Variants in YIPF1 observed in about 807,000 individuals in gnomAD.
The protein encoded by YIPF1 is protein YIPF1.
In YIPF1, 22 loss-of-function variants were observed where a neutral mutation model predicts 37.0. The ratio of observed to expected loss-of-function variants is 0.59; its 90% CI spans 0.42 to 0.85. The LOEUF is 0.85. Among genes scored for constraint, YIPF1 ranks in the 40% least tolerant of loss-of-function variants. YIPF1 has a pLI of 0.00. For missense variants in YIPF1, 355 were observed against 373.1 expected (o/e 0.95, Z 0.40); for synonymous variants, 128 against 131.9 (o/e 0.97, Z 0.21).
At chr1:53,856,584 A>T (rs192681606) in intron 10 of YIPF1, among the ~76,000 whole-genome samples, 1 of 152,212 alleles carries the variant, frequency 6.6e-6, no homozygotes, top group Admixed American at 6.5e-5. Flanking sequence ...CTTTTTCCAG[A>T]ACAGCTAACT....
chr1:53,889,239 C>T lies in YIPF1; in HGVS notation c.-50+5G>A. 6.5e-6 allele frequency: 2 copies of T among 307,888 alleles called. No individual in the cohort carries two copies. Among genetic ancestry groups the T allele is most frequent in the South Asian group, 1.2e-4 (2 of 17,048 alleles). 19.1% of individuals were successfully genotyped at this position (307,888 alleles called of 1,614,324 possible). A position where few individuals can be genotyped will look rare whatever the true frequency, so the allele number is the denominator to read the frequency against. On this transcript the variant is annotated splice_donor_5th_base_variant and intron_variant, in intron 2 of 10. Transcript: ENST00000072644. ...TGTATGTACCAGGAATGAATCTCAA[C>T]TCACTGTGTGAATGTTTAGAGAGCA...
intron 3 of YIPF1, among the ~76,000 whole-genome samples, chr1:53,886,122 T>C (rs1650645632): frequency 6.6e-6 from 1 of 151,898 alleles, no homozygotes; most frequent in African/African-American, 2.4e-5. Context: ...ATAACTCCTC[T>C]AGTTATTGGG....
chr1:53,864,073 C>T (rs887579326), intron 9 of YIPF1, among the ~76,000 whole-genome samples: 1 of 152,128 alleles, frequency 6.6e-6, no homozygotes, highest in South Asian at 2.1e-4. Flanking sequence ...ACCATAATAG[C>T]TCCCTGCTTC....
Position 53,888,993 on chromosome 1 carries a change from GA to G in YIPF1, c.-49-8del. On this transcript the variant is annotated splice_region_variant and splice_polypyrimidine_tract_variant and intron_variant, in intron 2 of 10. Coordinates refer to ENST00000072644, the MANE Select transcript of YIPF1 (RefSeq NM_018982.5). The stretch of plus-strand genomic sequence containing the variant: ...GAAGAAAATTTGCAGGGTTCTAAAA[GA>G]AAAAAATAGGTAAACATAATAGGAT... The G allele has an allele frequency of 3.4e-6, 5 of 1,478,832 alleles. No individual in the cohort carries two copies. The highest frequency in any genetic ancestry group is 2.8e-6 in the Non-Finnish European group (3 of 1,061,546). 91.6% of individuals were successfully genotyped at this position (1,478,832 alleles called of 1,614,324 possible). A position where few individuals can be genotyped will look rare whatever the true frequency, so the allele number is the denominator to read the frequency against.
chr1:53,884,710 G>C (rs1255730964), intron 3 of YIPF1, among the ~76,000 whole-genome samples: 1 of 152,212 alleles, frequency 6.6e-6, no homozygotes, highest in East Asian at 1.9e-4. Context: ...CTTTCCAAAA[G>C]AACCTTACCT....
chr1:53,862,677 G>C (rs1456785404), intron 9 of YIPF1, among the ~76,000 whole-genome samples: 1 of 152,086 alleles, frequency 6.6e-6, no homozygotes, highest in Admixed American at 6.6e-5. Context: ...AAGCTGTCTG[G>C]TTCAGCCGGT....
rs1127922 is a variant in YIPF1, at chr1:53,852,024, T to C, written c.*255A>G. The C allele has an allele frequency of 0.96, 146,328 of 152,338 alleles. 70,564 individuals carry two copies. The highest frequency in any genetic ancestry group is 1 in the East Asian group (5,186 of 5,186). The allele number at this position is 152,338 out of a possible 1,614,324, so 9.4% of individuals were successfully genotyped here. A position where few individuals can be genotyped will look rare whatever the true frequency, so the allele number is the denominator to read the frequency against. ...CACTGAGCATGCCTAACCTATTCCC[T>C]GGCATTTCAGTCCAATCAGCGCATG... On this transcript the variant is annotated 3_prime_UTR_variant, in exon 11 of 11. Transcript: ENST00000072644.
intron 3 of YIPF1, among the ~76,000 whole-genome samples, chr1:53,884,686 A>C (rs1162936947): frequency 6.6e-6 from 1 of 152,260 alleles, no homozygotes; most frequent in African/African-American, 2.4e-5. Context: ...ATCCTGAACC[A>C]TGTTACCAAA....
chr1:53,854,710 G>T (rs1181094), intron 10 of YIPF1, among the ~76,000 whole-genome samples: 59,019 of 151,982 alleles, frequency 0.39, 11,695 homozygotes, highest in East Asian at 0.56. Flanking sequence ...ACTGATCTCC[G>T]TTGTTCACCA....
chr1:53,889,046 T>C, intron 2 of YIPF1, 60 bp from the exon 3 acceptor site: 1 of 887,372 alleles, frequency 1.1e-6, no homozygotes, highest in Non-Finnish European at 1.8e-6. Context: ...TGCAAACAAC[T>C]CTTATGTATT....
chr1:53,885,064 G>A (rs1650608782), intron 3 of YIPF1, among the ~76,000 whole-genome samples: 1 of 152,200 alleles, frequency 6.6e-6, no homozygotes, highest in African/African-American at 2.4e-5. Flanking sequence ...ATGGTCCTTT[G>A]TTCAAGGTAA....
chr1:53,874,631 T>C (rs1650288338), intron 6 of YIPF1, among the ~76,000 whole-genome samples: 1 of 151,982 alleles, frequency 6.6e-6, no homozygotes, highest in Non-Finnish European at 1.5e-5. Flanking sequence ...GCTGGCGTGG[T>C]GGCACATGCC....
chr1:53,889,073 T>A (rs1384616736), intron 2 of YIPF1, 87 bp from the exon 3 acceptor site: 2 of 639,128 alleles, frequency 3.1e-6, no homozygotes, highest in Non-Finnish European at 5.5e-6. Flanking sequence ...GGTATCACTT[T>A]CCCTTGCCTC....
At chr1:53,863,408 C>T (rs552349539) in intron 9 of YIPF1, among the ~76,000 whole-genome samples, 10 of 152,314 alleles carry the variant, frequency 6.6e-5, no homozygotes, top group African/African-American at 2.4e-4. Flanking sequence ...ACGACACAGG[C>T]TCCTTTAATG....
chr1:53,869,160 T>TCTCTCTCTCACA (rs911930860), intron 7 of YIPF1, among the ~76,000 whole-genome samples: 61 of 138,052 alleles, frequency 4.4e-4, no homozygotes, highest in African/African-American at 1.7e-3. Flanking sequence ...TCTCTCTCTC[T>TCTCTCTCTCACA]CACACACACA....
At chr1:53,858,674 A>C (rs547325918) in intron 10 of YIPF1, among the ~76,000 whole-genome samples, 7 of 152,058 alleles carry the variant, frequency 4.6e-5, no homozygotes, top group Non-Finnish European at 1.0e-4. Flanking sequence ...TCTCTCTATC[A>C]TCCAGGCTAG....
chr1:53,885,183 T>A (rs1035877609), intron 3 of YIPF1, among the ~76,000 whole-genome samples: 52 of 152,152 alleles, frequency 3.4e-4, no homozygotes, highest in African/African-American at 1.2e-3. Context: ...ACAAAGAGAT[T>A]TTGAGGATGA....
intron 6 of YIPF1, among the ~76,000 whole-genome samples, chr1:53,874,006 C>G (rs1206419759): frequency 1.3e-5 from 2 of 152,168 alleles, no homozygotes; most frequent in African/African-American, 4.8e-5. Context: ...CACCTGCCCA[C>G]CCACTACCTC....
In YIPF1 at chr1:53,860,168, A is replaced by G. The variant is rs781657448; in HGVS notation, c.832-15T>C. On this transcript the variant is annotated splice_polypyrimidine_tract_variant and intron_variant, in intron 9 of 10. Coordinates refer to ENST00000072644, the MANE Select transcript of YIPF1 (RefSeq NM_018982.5). The stretch of plus-strand genomic sequence containing the variant: ...AAAAAGTATGCCTGTGGGGAAAAAA[A>G]GACCCAGGAGGGAGTTAAAAAGACA... 10 of 1,613,260 alleles carry G rather than the reference A, an allele frequency of 6.2e-6. 1 individual carries two copies. In the South Asian group the frequency reaches 6.6e-5, roughly 11 times the overall value.
Sources: gnomAD v4.1 joint callset for allele counts (sites outside exome capture counted in the v4.1 genomes callset) on GRCh38, gnomAD v4.1.1 for gene constraint, MANE v1.5 for transcripts, NCBI Gene and HGNC (gene_info 2026-07-23, HGNC 2026-07-21) for gene names.